Variants in CENPE observed in about 807,000 individuals in gnomAD.
CENPE encodes the protein centromere protein E.
Under a neutral mutation model 336.1 loss-of-function variants are expected in CENPE, and 145 were observed. That is an observed-to-expected ratio of 0.43 (90% CI 0.38 to 0.50). The LOEUF (loss-of-function observed/expected upper bound fraction) is 0.50, where lower values mean the gene tolerates loss of function less well. Ranked by LOEUF, CENPE falls within the 20% of genes least tolerant of loss-of-function variation. The pLI is 0.00. For synonymous variants in CENPE, 1,013 were observed against 984.8 expected (o/e 1.03, Z -0.54); for missense variants, 2,719 against 3,023.3 (o/e 0.90, Z 2.36).
Position 103,159,072 on chromosome 4 carries a change from T to C in CENPE, c.2539A>G (p.Ile847Val). 6.4e-7 allele frequency: 1 copy of C among 1,560,338 alleles called. No homozygotes were observed. The highest frequency in any genetic ancestry group is 1.2e-5 in the South Asian group (1 of 80,002). Residue 847 changes from isoleucine to valine, a missense_variant, in exon 22 of 49, where the codon ATA becomes GTA. Physicochemically the swap from Ile to Val is conservative, Grantham distance 29. Coordinates refer to ENST00000265148, the MANE Select transcript of CENPE (RefSeq NM_001813.3). ...TGGGCTTCTTTAGAGAGATTAACTA[T>C]TTCCTGATTCATTCTCTCATTCTCC... ...LEENERMNQE[I>V]VNLSKEAQKF...
At chr4:103,169,561 G>T (rs1268038081) in intron 16 of CENPE, among the ~76,000 whole-genome samples, 1 of 152,128 alleles carries the variant, frequency 6.6e-6, no homozygotes, top group Non-Finnish European at 1.5e-5. Context: ...AACATAGAAG[G>T]GAGTTCCATT....
chr4:103,165,462 C>A (rs1031663728), intron 16 of CENPE, among the ~76,000 whole-genome samples: 13 of 152,060 alleles, frequency 8.5e-5, no homozygotes, highest in Admixed American at 7.9e-4. Context: ...TGATTTTTGA[C>A]AAAAGCTTTA....
intron 11 of CENPE, among the ~76,000 whole-genome samples, 181 bp downstream of exon 11, chr4:103,182,581 A>C (rs1357378253): frequency 6.6e-6 from 1 of 152,204 alleles, no homozygotes; most frequent in South Asian, 2.1e-4. Flanking sequence ...AAAATTATGA[A>C]GGTAAGATAC....
intron 16 of CENPE, among the ~76,000 whole-genome samples, chr4:103,171,709 T>G: frequency 7.2e-6 from 1 of 137,974 alleles, no homozygotes; most frequent in Admixed American, 7.1e-5. Context: ...AAATAAAGAG[T>G]TTTTTTTTTT....
intron 36 of CENPE, 51 bp downstream of exon 36, chr4:103,140,763 T>C (rs186066033): frequency 6.8e-7 from 1 of 1,474,346 alleles, no homozygotes; most frequent in East Asian, 2.3e-5. Flanking sequence ...CACTGTATTT[T>C]TGCCCAAATA....
At chr4:103,144,986 C>T (rs1159042524) in intron 32 of CENPE, 64 bp downstream of exon 32, 1 of 1,351,734 alleles carries the variant, frequency 7.4e-7, no homozygotes, top group African/African-American at 1.5e-5. Context: ...AACATGAACA[C>T]CGTCATTATC....
Position 103,151,297 on chromosome 4 carries a change from G to C in CENPE, c.3318C>G (p.Asn1106Lys). Reference sequence around the variant, plus strand: ...GCTCTCCTTCTTTCTTTATGGCATGGTTCTTTTCTTGTGCAACTATCTCTT... The same window carrying C: ...GCTCTCCTTCTTTCTTTATGGCATGCTTCTTTTCTTGTGCAACTATCTCTT... ...KQQEIVAQEK[N>K]HAIKKEGELS... The change falls in exon 26 of 49, where the codon AAC becomes AAG. Residue 1106 changes from asparagine (N) to lysine (K), a missense_variant. Asn to Lys is a moderately conservative substitution (Grantham distance 94). Coordinates refer to ENST00000265148, the MANE Select transcript of CENPE (RefSeq NM_001813.3). 2 of 1,605,616 alleles carry C rather than the reference G, an allele frequency of 1.2e-6. No individual in the cohort carries two copies. The highest frequency in any genetic ancestry group is 2.3e-5 in the South Asian group (2 of 88,364).
chr4:103,171,040 T>C (rs1224259231), intron 16 of CENPE, among the ~76,000 whole-genome samples: 2 of 149,628 alleles, frequency 1.3e-5, no homozygotes, highest in East Asian at 3.9e-4. Context: ...AAAGCAAATA[T>C]TAATCTGAAG....
At chr4:103,130,071 G>A (rs962295674) in intron 42 of CENPE, among the ~76,000 whole-genome samples, 12 of 152,150 alleles carry the variant, frequency 7.9e-5, no homozygotes, top group African/African-American at 2.9e-4. Context: ...TTAATCATGA[G>A]GAACTAGAAG....
intron 9 of CENPE, among the ~76,000 whole-genome samples, chr4:103,185,306 GAAAAAAAA>G (rs765253352): frequency 1.4e-5 from 1 of 72,580 alleles, no homozygotes; most frequent in Non-Finnish European, 2.9e-5. Flanking sequence ...GTCTGCCTTA[GAAAAAAAA>G]AAAAAAAAAA....
At chr4:103,115,195 G>A (rs1749981868) in intron 45 of CENPE, among the ~76,000 whole-genome samples, 1 of 151,444 alleles carries the variant, frequency 6.6e-6, no homozygotes. Flanking sequence ...GTGCAATGGC[G>A]CTATCTCAGC....
In CENPE at chr4:103,123,106, T is replaced by C. The variant is rs1750782087; in HGVS notation, c.6925-17A>G. 4 of 1,582,998 alleles carry C rather than the reference T, an allele frequency of 2.5e-6. No individual in the cohort carries two copies. Among genetic ancestry groups the C allele is most frequent in the Non-Finnish European group, 3.5e-6 (4 of 1,152,336 alleles). Reference sequence around the variant, plus strand: ...CATTATGGCCTATTGAACAGTAAAATACCATTATAGCTCTAAAACGATTTA... The same window carrying C: ...CATTATGGCCTATTGAACAGTAAAACACCATTATAGCTCTAAAACGATTTA... On this transcript the variant is annotated splice_polypyrimidine_tract_variant and intron_variant, in intron 42 of 48. Transcript: ENST00000265148.
intron 15 of CENPE, 148 bp from the exon 16 acceptor site, chr4:103,175,051 A>G: frequency 2.0e-6 from 1 of 494,182 alleles, no homozygotes; most frequent in South Asian, 3.5e-5. Context: ...CTAACTTAGA[A>G]TAGATTATTT....
intron 1 of CENPE, 48 bp downstream of exon 1, chr4:103,198,216 C>T: frequency 6.5e-7 from 1 of 1,535,274 alleles, no homozygotes. Flanking sequence ...CGGCTCAGGG[C>T]GGCGCCGCAG....
intron 46 of CENPE, 117 bp from the exon 47 acceptor site, chr4:103,111,128 A>C: frequency 1.5e-6 from 1 of 662,968 alleles, no homozygotes; most frequent in Non-Finnish European, 2.4e-6. Context: ...CTCAAGTCTT[A>C]TTTCCCTGGA....
chr4:103,156,655 A>C (rs567586220), intron 24 of CENPE, among the ~76,000 whole-genome samples: 48 of 152,270 alleles, frequency 3.2e-4, no homozygotes, highest in African/African-American at 1.1e-3. Flanking sequence ...GAACAGATTC[A>C]TGATAAGGGT....
chr4:103,180,321 T>C lies in CENPE; in HGVS notation c.1232A>G (p.Gln411Arg), dbSNP rs1756220907. 1.2e-6 allele frequency: 2 copies of C among 1,610,292 alleles called. No individual in the cohort carries two copies. Among genetic ancestry groups the C allele is most frequent in the Non-Finnish European group, 1.7e-6 (2 of 1,178,148 alleles). ...ATCTTTTAATTTTACCTTTAATTCC[T>C]GTTGCAACGTGAGGGAAGAAGAGGT... Reference protein sequence around the residue: ...LVTSSSLTLQQELKAKRKRRV... With the variant: ...LVTSSSLTLQRELKAKRKRRV... Residue 411 changes from glutamine (Q) to arginine (R), a missense_variant, in exon 13 of 49, where the codon CAG becomes CGG. Gln to Arg is a conservative substitution (Grantham distance 43, BLOSUM62 1). Around this residue, in one of 5 missense-constraint regions of CENPE, gnomAD observed 117 missense variants for 215.8 expected, o/e 0.54. Coordinates refer to ENST00000265148, the MANE Select transcript of CENPE (RefSeq NM_001813.3).
intron 44 of CENPE, among the ~76,000 whole-genome samples, chr4:103,119,213 A>G (rs762064862): frequency 1.3e-5 from 2 of 152,132 alleles, no homozygotes; most frequent in African/African-American, 4.8e-5. Flanking sequence ...TATGTTTTAC[A>G]TTTTTAATTA....
chr4:103,145,927 A>C lies in CENPE; in HGVS notation c.4315T>G (p.Ser1439Ala). The C allele has an allele frequency of 6.2e-7, 1 of 1,613,820 alleles. No homozygotes were observed. Among genetic ancestry groups the C allele is most frequent in the Non-Finnish European group, 8.5e-7 (1 of 1,179,896 alleles). Residue 1439 changes from serine (S) to alanine (A), a missense_variant, in exon 30 of 49, where the codon TCT (serine) becomes GCT (alanine). Around this residue, in one of 5 missense-constraint regions of CENPE, gnomAD observed 2,437 missense variants for 2,513.3 expected, o/e 0.97. Coordinates refer to ENST00000265148, the MANE Select transcript of CENPE (RefSeq NM_001813.3). ...RLQESHDEMK[S>A]VAKEKDDLQR... Reference sequence around the variant, plus strand: ...AGGTCATCTTTCTCCTTAGCTACAGATTTCATTTCATCATGACTTTCTTGA... The same window carrying C: ...AGGTCATCTTTCTCCTTAGCTACAGCTTTCATTTCATCATGACTTTCTTGA...
Sources: gnomAD v4.1 joint callset for allele counts (sites outside exome capture counted in the v4.1 genomes callset) on GRCh38, gnomAD v4.1.1 for gene constraint, gnomAD v4.1.1 regional missense constraint, MANE v1.5 for transcripts, NCBI Gene and HGNC (gene_info 2026-07-23, HGNC 2026-07-21) for gene names.